ARNT2: variants seen among roughly 807,000 people sequenced by gnomAD.
ARNT2 encodes aryl hydrocarbon receptor nuclear translocator 2, also known as ARNT protein 2.
ARNT2 carries 36 observed loss-of-function variants against 91.7 expected under a neutral mutation model. That is an observed-to-expected ratio of 0.39 (90% CI 0.30 to 0.52). ARNT2 has a LOEUF of 0.52. Ranked by LOEUF, ARNT2 falls within the 20% of genes least tolerant of loss-of-function variation. The pLI is 0.72. For synonymous variants in ARNT2, 365 were observed against 347.1 expected (o/e 1.05, Z -0.57); for missense variants, 775 against 939.3 (o/e 0.83, Z 2.29).
At chr15:80,445,593 G>C (rs1201804910) in intron 1 of ARNT2, among the ~76,000 whole-genome samples, 3 of 151,840 alleles carry the variant, frequency 2.0e-5, no homozygotes, top group African/African-American at 7.3e-5. Context: ...GTGGGTGGGA[G>C]ACAGGATGGA....
At chr15:80,587,622 T>C (rs1445507361) in intron 17 of ARNT2, among the ~76,000 whole-genome samples, 5 of 152,192 alleles carry the variant, frequency 3.3e-5, no homozygotes, top group African/African-American at 2.4e-5. Context: ...CTCTGTGACC[T>C]AGGAAGCCAC....
intron 5 of ARNT2, chr15:80,488,551 C>A (rs530361709): frequency 2.0e-5 from 3 of 152,188 alleles, no homozygotes; most frequent in Admixed American, 1.3e-4. Flanking sequence ...TCTGTTGATT[C>A]TTTTAAAAAT....
intron 5 of ARNT2, among the ~76,000 whole-genome samples, chr15:80,506,794 C>T (rs896458026): frequency 4.6e-5 from 7 of 152,144 alleles, no homozygotes; most frequent in Non-Finnish European, 1.0e-4. Flanking sequence ...CCTGAGAATG[C>T]CAACATGGGG....
At position 80,516,793 on chromosome 15, in the gene ARNT2, G is replaced by T. The variant is rs568561451; in HGVS notation, c.877+2388G>T. Among the ~76,000 whole-genome samples the T allele has an allele frequency of 2.4e-4, 29 of 121,006 alleles. No homozygotes were observed. In the East Asian group the frequency reaches 6.0e-3, roughly 25 times the overall value. The allele number at this position is 121,006 out of a possible 152,430, so 79.4% of individuals were successfully genotyped here. On this transcript the variant is annotated intron_variant, in intron 8 of 18. Transcript: ENST00000303329. ...TATTTTTATTCTTTGCCCTAAGTTT[G>T]CAACATACATTTACAATTATTATAT...
chr15:80,534,677 A>G (rs902577710), intron 8 of ARNT2, among the ~76,000 whole-genome samples: 11 of 152,206 alleles, frequency 7.2e-5, no homozygotes, highest in Admixed American at 1.3e-4. Context: ...AAATGGCTGC[A>G]TAATATTCTG....
At chr15:80,413,235 GC>G (rs1895713684) in intron 1 of ARNT2, among the ~76,000 whole-genome samples, 1 of 152,182 alleles carries the variant, frequency 6.6e-6, no homozygotes, top group African/African-American at 2.4e-5. Flanking sequence ...CTCATCTGAG[GC>G]CCCATTGTTC....
At chr15:80,442,893 G>A (rs112492033) in intron 1 of ARNT2, 19,504 of 985,286 alleles carry the variant, frequency 0.02, 209 homozygotes, top group Middle Eastern at 0.028. Flanking sequence ...GGGATCTGAC[G>A]CCGACACACT....
chr15:80,467,828 C>T (rs951190931), intron 3 of ARNT2, among the ~76,000 whole-genome samples: 2 of 152,136 alleles, frequency 1.3e-5, no homozygotes, highest in African/African-American at 4.8e-5. Flanking sequence ...GCTGAGGAGT[C>T]AAATGCAGGA....
At position 80,593,651 on chromosome 15, in the gene ARNT2, A is replaced by G; in HGVS notation, c.2107A>G (p.Ile703Val). 6.2e-7 allele frequency: 1 copy of G among 1,607,784 alleles called. No individual in the cohort carries two copies. The highest frequency in any genetic ancestry group is 8.5e-7 in the Non-Finnish European group (1 of 1,176,454). The change falls in exon 19 of 19, where the codon ATC becomes GTC. Residue 703 changes from isoleucine (I) to valine (V), a missense_variant. Ile to Val is a conservative substitution (Grantham distance 29, BLOSUM62 3). Transcript: ENST00000303329. ...AACCCAGGGGACTGGCAACTATAAC[A>G]TCGAAGACTTTGCCGACCTGGGCAT... The part of the protein sequence containing the change: ...DPTQGTGNYN[I>V]EDFADLGMFP...
At chr15:80,580,200 CTACTCAGCAG>C (rs1898765090) in intron 15 of ARNT2, 1 of 616,096 alleles carries the variant, frequency 1.6e-6, no homozygotes, top group Admixed American at 2.7e-5. Flanking sequence ...CATGGCAGGA[CTACTCAGCAG>C]TGTAGAGGAA....
chr15:80,583,242 G>A (rs1302747989), intron 17 of ARNT2, among the ~76,000 whole-genome samples: 1 of 152,260 alleles, frequency 6.6e-6, no homozygotes, highest in Admixed American at 6.5e-5. Context: ...GGGGTCAAGA[G>A]AGGCTTCGGA....
chr15:80,478,558 G>A (rs1209289513), intron 5 of ARNT2, among the ~76,000 whole-genome samples: 1 of 152,218 alleles, frequency 6.6e-6, no homozygotes, highest in Non-Finnish European at 1.5e-5. Context: ...TTTGCCTATG[G>A]GCCAAGCCCG....
In ARNT2 at chr15:80,576,954, G is replaced by C; in HGVS notation, c.1602G>C (p.Gly534=). The C allele has an allele frequency of 1.2e-6, 2 of 1,614,038 alleles. No homozygotes were observed. Among genetic ancestry groups the C allele is most frequent in the Non-Finnish European group, 1.7e-6 (2 of 1,180,018 alleles). ...GCCCATTTCCCTCTGGACACTCCGG[G>C]AAGGCCTTCAGGTATGTGCCAGCGA... ...QGSPFPSGHS[G]KAFSSSVVHV... The change falls in exon 15 of 19, where the codon GGG becomes GGC. Residue 534 remains glycine (G), a synonymous_variant. Coordinates refer to ENST00000303329, the MANE Select transcript of ARNT2 (RefSeq NM_014862.4).
chr15:80,592,496 A>G (rs7164778), intron 18 of ARNT2, among the ~76,000 whole-genome samples: 60,986 of 152,132 alleles, frequency 0.4, 14,950 homozygotes, highest in African/African-American at 0.7. Context: ...CAGGAACCAC[A>G]TCGTGGGAGG....
intron 16 of ARNT2, 84 bp downstream of exon 16, chr15:80,580,633 T>G: frequency 1.3e-6 from 2 of 1,569,376 alleles, no homozygotes; most frequent in Non-Finnish European, 1.7e-6. Context: ...ATTGCGGTTC[T>G]GAGGATGGGT....
chr15:80,528,421 CT>C, intron 8 of ARNT2, among the ~76,000 whole-genome samples: 1 of 149,018 alleles, frequency 6.7e-6, no homozygotes, highest in Non-Finnish European at 1.5e-5. Context: ...TATTTATCAT[CT>C]ATCTATCCAT....
rs370782785 is a variant in ARNT2 at position 80,452,114 on chromosome 15, G to A, written c.146+1120G>A. On this transcript the variant is annotated intron_variant, in intron 2 of 18. Coordinates refer to ENST00000303329, the MANE Select transcript of ARNT2 (RefSeq NM_014862.4). ...GATGGAGTGTGGCTAGAATGCAAAA[G>A]CATATTCAGCCTTGTAATTTTAGGT... 7.9e-4 allele frequency among the ~76,000 whole-genome samples: 121 copies of A among 152,282 alleles called. 2 individuals are homozygous for A. The South Asian group carries it at 0.025, about 31-fold the overall frequency.
intron 1 of ARNT2, among the ~76,000 whole-genome samples, chr15:80,440,490 G>A (rs573491691): frequency 6.6e-6 from 1 of 152,216 alleles, no homozygotes; most frequent in Non-Finnish European, 1.5e-5. Context: ...GGAAGCTGGA[G>A]TTAGTGGGTT....
intron 13 of ARNT2, among the ~76,000 whole-genome samples, chr15:80,574,528 G>C (rs906184390): frequency 3.3e-5 from 5 of 152,214 alleles, no homozygotes; most frequent in African/African-American, 1.2e-4. Context: ...GCCAGCAAGA[G>C]CAGCTTCTGA....
Sources: gnomAD v4.1 joint callset for allele counts (sites outside exome capture counted in the v4.1 genomes callset) on GRCh38, gnomAD v4.1.1 for gene constraint, MANE v1.5 for transcripts, NCBI Gene and HGNC (gene_info 2026-07-23, HGNC 2026-07-21) for gene names.